PTPN1: variants seen among roughly 807,000 people sequenced by gnomAD.
The protein encoded by PTPN1 is tyrosine-protein phosphatase non-receptor type 1.
In PTPN1, 12 loss-of-function variants were observed where a neutral mutation model predicts 59.9. The ratio of observed to expected loss-of-function variants is 0.20; its 90% CI spans 0.13 to 0.32. PTPN1 has a LOEUF of 0.32. Ranked by LOEUF, PTPN1 falls within the 10% of genes least tolerant of loss-of-function variation. PTPN1 has a pLI of 1.00. For synonymous variants in PTPN1, 178 were observed against 203.6 expected (o/e 0.87, Z 1.07); for missense variants, 356 against 549.2 (o/e 0.65, Z 3.52).
chr20:50,552,503 A>T (rs2082706488), intron 1 of PTPN1, among the ~76,000 whole-genome samples: 1 of 152,096 alleles, frequency 6.6e-6, no homozygotes, highest in Non-Finnish European at 1.5e-5. Flanking sequence ...ATCTGCGCGT[A>T]GCAGCCAGAA....
intron 2 of PTPN1, among the ~76,000 whole-genome samples, chr20:50,564,696 T>A (rs560438719): frequency 1.3e-5 from 2 of 152,318 alleles, no homozygotes; most frequent in African/African-American, 4.8e-5. Flanking sequence ...AGATATGACC[T>A]GAGAACAGAT....
At position 50,582,457 on chromosome 20, in the gene PTPN1, T is replaced by C. The variant is rs1043452106; in HGVS notation, c.1285-235T>C. On this transcript the variant is annotated intron_variant, in intron 9 of 9. Transcript: ENST00000371621. This position sits in a 1 kb window ranked among gnomAD's most constrained non-coding sequence, Gnocchi z 4.2. ...TAAGACTTTTTCGTGGTTTTAAATA[T>C]TTTACCTCTTTCCAGGTGGCATCTG... Among the ~76,000 whole-genome samples, 1 of 152,236 alleles carries C rather than the reference T, an allele frequency of 6.6e-6. No individual in the cohort carries two copies. Among genetic ancestry groups the C allele is most frequent in the African/African-American group, 2.4e-5 (1 of 41,462 alleles).
At position 50,561,450 on chromosome 20, in the gene PTPN1, C is replaced by A; in HGVS notation, c.151C>A (p.Pro51Thr). 1 of 1,602,830 alleles carries A rather than the reference C, an allele frequency of 6.2e-7. No homozygotes were observed. The highest frequency in any genetic ancestry group is 1.1e-5 in the South Asian group (1 of 90,552). The change falls in exon 2 of 10, where the codon CCC (proline) becomes ACC (threonine). Residue 51 changes from proline to threonine, a missense_variant. By Grantham distance (38) the Pro-to-Thr change is conservative (BLOSUM62 -1). Coordinates refer to ENST00000371621, the MANE Select transcript of PTPN1 (RefSeq NM_002827.4). The stretch of plus-strand genomic sequence containing the variant: ...CCGAAATAGGTACAGAGACGTCAGT[C>A]CCTGTAAGTATCCACGTGGCCGGTA... Reference protein sequence around the residue: ...KNRNRYRDVSPFDHSRIKLHQ... With the variant: ...KNRNRYRDVSTFDHSRIKLHQ...
intron 1 of PTPN1, among the ~76,000 whole-genome samples, chr20:50,544,514 A>C (rs1343321601): frequency 6.6e-6 from 1 of 152,158 alleles, no homozygotes; most frequent in Non-Finnish European, 1.5e-5. Context: ...AAAGATAAAG[A>C]GTTGATGGTT....
intron 1 of PTPN1, among the ~76,000 whole-genome samples, chr20:50,532,744 G>T (rs1029170278): frequency 2.0e-5 from 3 of 152,102 alleles, no homozygotes; most frequent in Non-Finnish European, 4.4e-5. Context: ...GTCTATGTGT[G>T]GGTGGGTGTG....
At chr20:50,510,923 C>T (rs1450664834) in intron 1 of PTPN1, among the ~76,000 whole-genome samples, 2 of 152,066 alleles carry the variant, frequency 1.3e-5, no homozygotes, top group African/African-American at 2.4e-5. Flanking sequence ...ACTCTTTGTC[C>T]CCTGGGGTGA....
chr20:50,564,143 C>T (rs1039218682), intron 2 of PTPN1, among the ~76,000 whole-genome samples: 2 of 151,976 alleles, frequency 1.3e-5, no homozygotes, highest in Non-Finnish European at 2.9e-5. Flanking sequence ...GTCATTTAAT[C>T]TTCAAACCAC....
intron 8 of PTPN1, among the ~76,000 whole-genome samples, chr20:50,580,567 G>A (rs1038819648): frequency 2.0e-5 from 3 of 152,188 alleles, no homozygotes; most frequent in African/African-American, 4.8e-5. Flanking sequence ...GTAGGTGGCC[G>A]TGCACGGAAA....
rs1178583934 is a variant in PTPN1, at chr20:50,535,898, A to C, written c.63+25308A>C. ...CCCCACCCCCAAATAGAGAGAAAGA[A>C]ATTCCTTGAATACTACATTGCCAGT... On this transcript the variant is annotated intron_variant, in intron 1 of 9. Transcript: ENST00000371621. Among the ~76,000 whole-genome samples the C allele has an allele frequency of 2.0e-5, 3 of 152,236 alleles. No homozygotes were observed. The East Asian group carries it at 5.8e-4, about 29-fold the overall frequency.
intron 1 of PTPN1, among the ~76,000 whole-genome samples, chr20:50,523,733 G>A (rs114322257): frequency 1.7e-3 from 263 of 152,320 alleles, no homozygotes; most frequent in African/African-American, 6.1e-3. Context: ...AGTGATAAGA[G>A]CTCTTACAGG....
At chr20:50,564,750 T>C (rs2082771083) in intron 2 of PTPN1, among the ~76,000 whole-genome samples, 1 of 152,232 alleles carries the variant, frequency 6.6e-6, no homozygotes, top group South Asian at 2.1e-4. Context: ...GGCTTACTGC[T>C]GTTGCTTCAT....
At chr20:50,525,206 C>T (rs533181094) in intron 1 of PTPN1, among the ~76,000 whole-genome samples, 1 of 152,204 alleles carries the variant, frequency 6.6e-6, no homozygotes, top group South Asian at 2.1e-4. Flanking sequence ...ATTACAGTCA[C>T]CCGCCACTAC....
In PTPN1 at chr20:50,524,569, CTTTTTTTTTT is replaced by C. The variant is rs764474360; in HGVS notation, c.63+13995_63+14004del. 3.5e-4 allele frequency among the ~76,000 whole-genome samples: 16 copies of C among 45,792 alleles called. 2 individuals carry two copies. In the South Asian group the frequency reaches 4.4e-3, roughly 13 times the overall value. The allele number at this position is 45,792 out of a possible 152,430, so 30.0% of individuals were successfully genotyped here. ...TGGCTGGTTTATCCCATTATGTGGTCTTTTTTTTTTTTTTTTTTTTTTTTTGAGGTGGAGT... is the reference window on the plus strand; with the variant it reads ...TGGCTGGTTTATCCCATTATGTGGTCTTTTTTTTTTTTTTTGAGGTGGAGT... On this transcript the variant is annotated intron_variant, in intron 1 of 9. Coordinates refer to ENST00000371621, the MANE Select transcript of PTPN1 (RefSeq NM_002827.4).
chr20:50,530,378 G>GA (rs2082595546), intron 1 of PTPN1, among the ~76,000 whole-genome samples: 1 of 151,932 alleles, frequency 6.6e-6, no homozygotes, highest in South Asian at 2.1e-4. Context: ...CTTTTCTTGA[G>GA]ATGGAGTCTT....
intron 5 of PTPN1, among the ~76,000 whole-genome samples, chr20:50,576,271 A>G (rs1039810155): frequency 1.3e-5 from 2 of 152,224 alleles, no homozygotes; most frequent in African/African-American, 4.8e-5. Context: ...GACTTCTGGG[A>G]AACTATTTGC....
intron 1 of PTPN1, among the ~76,000 whole-genome samples, chr20:50,520,580 C>A (rs1309106118): frequency 6.6e-6 from 1 of 152,154 alleles, no homozygotes; most frequent in Admixed American, 6.5e-5. Context: ...TATAGGAAAC[C>A]TTCCCCAGCC....
chr20:50,528,908 A>C (rs2082589152), intron 1 of PTPN1, among the ~76,000 whole-genome samples: 1 of 152,048 alleles, frequency 6.6e-6, no homozygotes. Context: ...TTTAGATTTT[A>C]CACTTTGTTT....
At position 50,574,549 on chromosome 20, in the gene PTPN1, A is replaced by G. The variant is rs146302578; in HGVS notation, c.387A>G (p.Glu129=). 14 of 1,606,540 alleles carry G rather than the reference A, an allele frequency of 8.7e-6. No homozygotes were observed. In the African/African-American group the frequency reaches 1.7e-4, roughly 20 times the overall value. Residue 129 remains glutamate (E), a synonymous_variant, in exon 5 of 10, where the codon GAA becomes GAG. Transcript: ENST00000371621. Reference sequence around the variant, plus strand: ...GCGCACAATACTGGCCACAAAAAGAAGAAAAAGAGATGATCTTTGAAGACA... The same window carrying G: ...GCGCACAATACTGGCCACAAAAAGAGGAAAAAGAGATGATCTTTGAAGACA... The part of the protein sequence containing the change: ...LKCAQYWPQK[E]EKEMIFEDTN...
chr20:50,514,469 T>C (rs1184469718), intron 1 of PTPN1, among the ~76,000 whole-genome samples: 1 of 152,258 alleles, frequency 6.6e-6, no homozygotes, highest in Non-Finnish European at 1.5e-5. Context: ...GAAAACTGTC[T>C]TGTGATCTTG....
Sources: allele counts gnomAD v4.1 joint callset (sites outside exome capture counted in the v4.1 genomes callset), GRCh38; gene constraint gnomAD v4.1.1; non-coding constraint Gnocchi (gnomAD v3.1); transcripts MANE v1.5; gene names NCBI Gene and HGNC (gene_info 2026-07-23, HGNC 2026-07-21).